UNC5D: variants seen among roughly 807,000 people sequenced by gnomAD.
UNC5D encodes unc-5 netrin receptor D.
In UNC5D, 39 loss-of-function variants were observed where a neutral mutation model predicts 105.4. That is an observed-to-expected ratio of 0.37 (90% CI 0.29 to 0.48). UNC5D has a LOEUF of 0.48. UNC5D is among the 20% of genes least tolerant of loss of function. The pLI is 0.98. For synonymous variants in UNC5D, 452 were observed against 450.4 expected, an observed-to-expected ratio of 1.00 and a Z score of -0.04; for missense variants, 991 against 1,202.4, an observed-to-expected ratio of 0.82 and a Z score of 2.60.
intron 1 of UNC5D, among the ~76,000 whole-genome samples, chr8:35,278,530 T>C (rs1805928738): frequency 6.6e-6 from 1 of 152,146 alleles, no homozygotes; most frequent in Non-Finnish European, 1.5e-5. Context: ...CAGCTGTACA[T>C]TACCTAGAGA....
At chr8:35,468,379 C>T (rs1222706932) in intron 1 of UNC5D, among the ~76,000 whole-genome samples, 4 of 152,122 alleles carry the variant, frequency 2.6e-5, no homozygotes, top group Non-Finnish European at 2.9e-5. Context: ...TAAAATAATG[C>T]ATTGTTGTAA....
intron 1 of UNC5D, among the ~76,000 whole-genome samples, chr8:35,506,539 A>G (rs1379978086): frequency 1.3e-5 from 2 of 152,244 alleles, no homozygotes; most frequent in Non-Finnish European, 2.9e-5. Context: ...AGTGTCAGAG[A>G]CAAAGAATTT....
At chr8:35,372,764 C>T (rs946425035) in intron 1 of UNC5D, among the ~76,000 whole-genome samples, 1 of 152,016 alleles carries the variant, frequency 6.6e-6, no homozygotes, top group Non-Finnish European at 1.5e-5. Flanking sequence ...TGATCACACC[C>T]AGCTAATTTA....
At chr8:35,295,760 G>A (rs527714114) in intron 1 of UNC5D, among the ~76,000 whole-genome samples, 6 of 152,244 alleles carry the variant, frequency 3.9e-5, no homozygotes, top group Admixed American at 2.6e-4. Flanking sequence ...TCATCACCAT[G>A]ATGTACATTA....
chr8:35,371,022 A>G (rs1311040010), intron 1 of UNC5D, among the ~76,000 whole-genome samples: 2 of 152,136 alleles, frequency 1.3e-5, no homozygotes, highest in African/African-American at 2.4e-5. Context: ...CCAGCAGTTC[A>G]ATACAGCAAG....
intron 1 of UNC5D, among the ~76,000 whole-genome samples, chr8:35,401,237 A>G (rs1037957566): frequency 1.3e-5 from 2 of 152,160 alleles, no homozygotes; most frequent in Non-Finnish European, 2.9e-5. Flanking sequence ...TAATCCCACC[A>G]CTTTGGGAGA....
intron 1 of UNC5D, among the ~76,000 whole-genome samples, chr8:35,413,246 TG>T (rs1418726953): frequency 7.7e-6 from 1 of 129,458 alleles, no homozygotes; most frequent in African/African-American, 3.0e-5. Context: ...CCTAATCAGG[TG>T]GGGGCGGGTC....
intron 1 of UNC5D, among the ~76,000 whole-genome samples, chr8:35,402,890 A>T (rs1399153073): frequency 6.6e-6 from 1 of 152,148 alleles, no homozygotes; most frequent in Non-Finnish European, 1.5e-5. Flanking sequence ...GGAGCTCTCC[A>T]TATTCGTGCC....
intron 1 of UNC5D, among the ~76,000 whole-genome samples, chr8:35,332,011 TA>T (rs1196761247): frequency 3.3e-5 from 5 of 152,230 alleles, no homozygotes; most frequent in Admixed American, 2.6e-4. Flanking sequence ...CATCTTCTAA[TA>T]TAAGGATGCC....
At position 35,523,821 on chromosome 8, in the gene UNC5D, C is replaced by T. The variant is rs1266849120; in HGVS notation, c.104-25471C>T. On this transcript the variant is annotated intron_variant, in intron 1 of 16. Transcript: ENST00000404895. ...GCATCACCCACATCCCACTCAGTGC[C>T]TGATATTCGGATGGTGGCATACTCT... is the stretch of plus-strand genomic sequence containing the variant. Among the ~76,000 whole-genome samples, 3 of 73,168 alleles carry T rather than the reference C, an allele frequency of 4.1e-5. No individual in the cohort carries two copies. In the Admixed American group the frequency reaches 5.0e-4, roughly 12 times the overall value. 48.0% of individuals were successfully genotyped at this position (73,168 alleles called of 152,430 possible). A position where few individuals can be genotyped will look rare whatever the true frequency, so the allele number is the denominator to read the frequency against.
intron 1 of UNC5D, among the ~76,000 whole-genome samples, chr8:35,257,701 A>G (rs1216122045): frequency 6.6e-6 from 1 of 152,176 alleles, no homozygotes; most frequent in African/African-American, 2.4e-5. Flanking sequence ...TTTTATTGCC[A>G]GAGACTCCCT....
intron 1 of UNC5D, among the ~76,000 whole-genome samples, chr8:35,494,465 G>C (rs1811420345): frequency 6.6e-6 from 1 of 151,938 alleles, no homozygotes; most frequent in Non-Finnish European, 1.5e-5. Context: ...AATATTTTTT[G>C]TTACTCCTCG....
At chr8:35,293,704 G>T (rs1196280588) in intron 1 of UNC5D, among the ~76,000 whole-genome samples, 1 of 152,178 alleles carries the variant, frequency 6.6e-6, no homozygotes, top group African/African-American at 2.4e-5. Flanking sequence ...GGAATTTATT[G>T]TGTCAGGATT....
chr8:35,520,768 C>G (rs1428572881), intron 1 of UNC5D, among the ~76,000 whole-genome samples: 3 of 152,004 alleles, frequency 2.0e-5, no homozygotes, highest in Admixed American at 2.0e-4. Context: ...GTGGTCATTA[C>G]CATTAAGTTT....
intron 4 of UNC5D, among the ~76,000 whole-genome samples, chr8:35,605,363 T>C (rs1277770654): frequency 6.6e-6 from 1 of 152,168 alleles, no homozygotes; most frequent in African/African-American, 2.4e-5. Context: ...ACAGCAGATG[T>C]TGGTGAACCG....
intron 1 of UNC5D, among the ~76,000 whole-genome samples, chr8:35,290,312 AC>A (rs1310628126): frequency 6.6e-6 from 1 of 152,168 alleles, no homozygotes; most frequent in East Asian, 1.9e-4. Flanking sequence ...CTACTCTTAG[AC>A]CTTAAAAAAG....
intron 1 of UNC5D, among the ~76,000 whole-genome samples, chr8:35,480,761 G>A (rs1485410084): frequency 6.6e-6 from 1 of 152,134 alleles, no homozygotes; most frequent in Non-Finnish European, 1.5e-5. Flanking sequence ...AACAAATCGG[G>A]CAAGATAAAG....
chr8:35,436,596 T>C (rs1315272731), intron 1 of UNC5D, among the ~76,000 whole-genome samples: 1 of 152,088 alleles, frequency 6.6e-6, no homozygotes, highest in African/African-American at 2.4e-5. Context: ...GTTGGGTCAG[T>C]TGATGGTGTC....
At chr8:35,659,786 C>T (rs764772775) in intron 4 of UNC5D, among the ~76,000 whole-genome samples, 5 of 152,132 alleles carry the variant, frequency 3.3e-5, no homozygotes, top group Non-Finnish European at 5.9e-5. Context: ...CAATGCAGAA[C>T]GTGTTATGAA....
Sources: allele counts gnomAD v4.1 joint callset (sites outside exome capture counted in the v4.1 genomes callset), GRCh38; gene constraint gnomAD v4.1.1; transcripts MANE v1.5; gene names NCBI Gene and HGNC (gene_info 2026-07-23, HGNC 2026-07-21).